The following SYNPR variants were observed in gnomAD, a reference collection of about 807,000 sequenced individuals.
SYNPR encodes the protein synaptoporin.
A neutral mutation model predicts 32.9 loss-of-function variants in SYNPR; 23 were observed. The observed-to-expected ratio is 0.70, with a 90% CI of 0.50 to 0.99. The LOEUF is 0.99. Ranked by LOEUF, SYNPR falls within the 50% of genes least tolerant of loss-of-function variation. The pLI, the probability that SYNPR is intolerant of heterozygous loss-of-function variation, is 0.00. For missense variants in SYNPR, 318 were observed against 349.3 expected (o/e 0.91, Z 0.71); for synonymous variants, 146 against 135.9 (o/e 1.07, Z -0.52).
chr3:63,589,298 T>A (rs751109027), intron 4 of SYNPR, among the ~76,000 whole-genome samples: 1 of 152,106 alleles, frequency 6.6e-6, no homozygotes, highest in Non-Finnish European at 1.5e-5. Context: ...CACCAAGGAC[T>A]TTTCCTACAA....
At chr3:63,393,963 AGTT>A (rs1161694035) in intron 2 of SYNPR, among the ~76,000 whole-genome samples, 1 of 152,160 alleles carries the variant, frequency 6.6e-6, no homozygotes, top group Non-Finnish European at 1.5e-5. Context: ...GACTTGTAGT[AGTT>A]ATTTACATGC....
rs545950242 is a variant in SYNPR at position 63,511,302 on chromosome 3, G to A, written c.209+30346G>A. 1.5e-4 allele frequency among the ~76,000 whole-genome samples: 23 copies of A among 152,200 alleles called. 1 individual carries two copies. Among genetic ancestry groups the A allele is most frequent in the African/African-American group, 4.8e-4 (20 of 41,548 alleles). On this transcript the variant is annotated intron_variant, in intron 3 of 5. Coordinates refer to ENST00000478300, the MANE Select transcript of SYNPR (RefSeq NM_001130003.2). ...TCTGTTTAACATTCCTTGTAAGAAA[G>A]AGGAGGAGTTCATATCCAGCATAGT...
chr3:63,437,472 A>C (rs562611265), intron 2 of SYNPR, among the ~76,000 whole-genome samples: 2 of 152,154 alleles, frequency 1.3e-5, no homozygotes, highest in African/African-American at 4.8e-5. Context: ...ACTCACACAG[A>C]GTGATTGAGG....
chr3:63,232,503 C>G (rs749882553), intron 1 of SYNPR, among the ~76,000 whole-genome samples: 9 of 152,074 alleles, frequency 5.9e-5, no homozygotes, highest in Non-Finnish European at 1.3e-4. Context: ...CCGTGCCCTG[C>G]CCCAGATTCT....
chr3:63,518,526 A>G (rs991432580), intron 3 of SYNPR, among the ~76,000 whole-genome samples: 4 of 152,104 alleles, frequency 2.6e-5, no homozygotes, highest in African/African-American at 7.2e-5. Context: ...TTCTCCCTTC[A>G]AGTGCATTGC....
At chr3:63,207,360 C>T in the SYNPR span, among the ~76,000 whole-genome samples, 27 of 152,258 alleles carry the variant, frequency 1.8e-4, no homozygotes, top group Non-Finnish European at 2.4e-4. Flanking sequence ...TGCTAATTCT[C>T]TTACAAGTAG....
intron 4 of SYNPR, among the ~76,000 whole-genome samples, chr3:63,576,423 G>A (rs939653375): frequency 2.6e-5 from 4 of 152,096 alleles, no homozygotes; most frequent in Admixed American, 1.3e-4. Context: ...GACTTTCCAA[G>A]TTTTTCTTAA....
intron 2 of SYNPR, among the ~76,000 whole-genome samples, chr3:63,312,107 C>T (rs2086972353): frequency 6.6e-6 from 1 of 151,918 alleles, no homozygotes; most frequent in South Asian, 2.1e-4. Context: ...ATAAATCCGG[C>T]AATGAAATGA....
chr3:63,501,688 G>T (rs1380780612), intron 3 of SYNPR, among the ~76,000 whole-genome samples: 1 of 151,964 alleles, frequency 6.6e-6, no homozygotes, highest in African/African-American at 2.4e-5. Flanking sequence ...GATAAAGTAG[G>T]ATATGATGAC....
chr3:63,399,675 C>G (rs1199302061), intron 2 of SYNPR, among the ~76,000 whole-genome samples: 2 of 152,092 alleles, frequency 1.3e-5, no homozygotes, highest in Non-Finnish European at 2.9e-5. Flanking sequence ...ACATTCAGAC[C>G]ATAGCAGGTG....
intron 2 of SYNPR, among the ~76,000 whole-genome samples, chr3:63,459,493 T>C (rs571332312): frequency 3.9e-5 from 6 of 152,264 alleles, no homozygotes; most frequent in Admixed American, 3.3e-4. Flanking sequence ...ATCCCAATAT[T>C]CATGGGCACT....
intron 3 of SYNPR, among the ~76,000 whole-genome samples, chr3:63,509,748 A>G (rs1701659519): frequency 6.6e-6 from 1 of 152,190 alleles, no homozygotes; most frequent in Admixed American, 6.6e-5. Context: ...AAAGGTTATT[A>G]TATTTTGAAA....
At position 63,351,900 on chromosome 3, in the gene SYNPR, G is replaced by A. The variant is rs1380532370; in HGVS notation, c.84+73158G>A. ...ATAATTGACTCAGATACTGAGAACTGCTAAAGAATGAATGATAATCGACTC... is the reference window on the plus strand; with the variant it reads ...ATAATTGACTCAGATACTGAGAACTACTAAAGAATGAATGATAATCGACTC... On this transcript the variant is annotated intron_variant, in intron 2 of 5. Coordinates refer to ENST00000478300, the MANE Select transcript of SYNPR (RefSeq NM_001130003.2). Among the ~76,000 whole-genome samples, 23 of 152,148 alleles carry A rather than the reference G, an allele frequency of 1.5e-4. 1 individual carries two copies. Among genetic ancestry groups the A allele is most frequent in the Admixed American group, 1.5e-3 (23 of 15,266 alleles).
the SYNPR span, among the ~76,000 whole-genome samples, chr3:63,223,040 T>C: frequency 6.6e-6 from 1 of 152,168 alleles, no homozygotes; most frequent in East Asian, 1.9e-4. Flanking sequence ...AGTGATCTTA[T>C]GAAACTGTCA....
intron 5 of SYNPR, 140 bp downstream of exon 5, chr3:63,609,456 G>A (rs1700168776): frequency 4.6e-6 from 3 of 648,614 alleles, no homozygotes. Context: ...TTCACCTCAG[G>A]TACAGGATGA....
Position 63,320,962 on chromosome 3 carries a change from T to C in SYNPR, c.84+42220T>C, listed in dbSNP as rs2087105541. ...CCTTTGATTATGTCAATCTATTAAT[T>C]TTTGAAAGCCAGAAGCCTTAACAGT... On this transcript the variant is annotated intron_variant, in intron 2 of 5. Transcript: ENST00000478300. 2.6e-5 allele frequency among the ~76,000 whole-genome samples: 4 copies of C among 152,188 alleles called. No individual in the cohort carries two copies. The South Asian group carries it at 8.3e-4, about 31-fold the overall frequency.
intron 2 of SYNPR, among the ~76,000 whole-genome samples, chr3:63,311,702 T>C (rs2086965746): frequency 6.6e-6 from 1 of 152,054 alleles, no homozygotes. Flanking sequence ...TGTGTGTATG[T>C]ATATTTCTGT....
chr3:63,581,233 T>G (rs936205720), intron 4 of SYNPR, among the ~76,000 whole-genome samples: 7 of 152,224 alleles, frequency 4.6e-5, no homozygotes, highest in Non-Finnish European at 5.9e-5. Context: ...AAGCGATACT[T>G]CATAAACTGC....
intron 2 of SYNPR, among the ~76,000 whole-genome samples, chr3:63,294,825 T>A (rs553106320): frequency 6.6e-6 from 1 of 152,288 alleles, no homozygotes; most frequent in South Asian, 2.1e-4. Context: ...CTTTAAATAA[T>A]ACTCGTAAAT....
Sources: allele counts gnomAD v4.1 joint callset (sites outside exome capture counted in the v4.1 genomes callset), GRCh38; gene constraint gnomAD v4.1.1; transcripts MANE v1.5; gene names NCBI Gene and HGNC (gene_info 2026-07-23, HGNC 2026-07-21).